The following FOXO1 variants were observed in gnomAD, a reference collection of about 807,000 sequenced individuals.
FOXO1 encodes the protein forkhead box O1.
A neutral mutation model predicts 44.1 loss-of-function variants in FOXO1; 6 were observed. That is an observed-to-expected ratio of 0.14 (90% CI 0.07 to 0.27). The LOEUF is 0.27. Among genes scored for constraint, FOXO1 ranks in the 10% least tolerant of loss-of-function variants. FOXO1 has a pLI of 1.00. For synonymous variants in FOXO1, 380 were observed against 362.7 expected, an observed-to-expected ratio of 1.05 and a Z score of -0.54; for missense variants, 737 against 888.8, an observed-to-expected ratio of 0.83 and a Z score of 2.17.
Position 40,666,488 on chromosome 13 carries a change from G to A in FOXO1, c.-276C>T. Reference sequence around the variant, plus strand: ...GCCGGGCCGGGGCAGAGCCTGCGCCGCGCTCCAGCTGACAGGGCCGCGGAC... The same window carrying A: ...GCCGGGCCGGGGCAGAGCCTGCGCCACGCTCCAGCTGACAGGGCCGCGGAC... On this transcript the variant is annotated 5_prime_UTR_variant, in exon 1 of 3. Transcript: ENST00000379561. 3 of 341,614 alleles carry A rather than the reference G, an allele frequency of 8.8e-6. No individual in the cohort carries two copies. Among genetic ancestry groups the A allele is most frequent in the Non-Finnish European group, 1.1e-5 (2 of 188,800 alleles). 21.2% of individuals were successfully genotyped at this position (341,614 alleles called of 1,614,324 possible). A position where few individuals can be genotyped will look rare whatever the true frequency, so the allele number is the denominator to read the frequency against.
At chr13:40,572,246 A>C (rs1200298376) in intron 1 of FOXO1, among the ~76,000 whole-genome samples, 1 of 152,200 alleles carries the variant, frequency 6.6e-6, no homozygotes, top group Non-Finnish European at 1.5e-5. Flanking sequence ...TATGTTTGCT[A>C]TCTGGAAAAT....
intron 1 of FOXO1, among the ~76,000 whole-genome samples, chr13:40,572,009 G>A (rs1246507119): frequency 6.6e-6 from 1 of 152,190 alleles, no homozygotes; most frequent in Non-Finnish European, 1.5e-5. Flanking sequence ...AAGGACTAAA[G>A]TGAATTTTAA....
At chr13:40,662,170 C>CAAAA (rs57350461) in intron 1 of FOXO1, among the ~76,000 whole-genome samples, 3 of 56,720 alleles carry the variant, frequency 5.3e-5, no homozygotes, top group Non-Finnish European at 7.2e-5. Context: ...GACTCTGACT[C>CAAAA]AAAAAAAAAA....
intron 1 of FOXO1, among the ~76,000 whole-genome samples, chr13:40,574,982 A>G (rs1874688575): frequency 6.6e-6 from 1 of 152,324 alleles, no homozygotes; most frequent in East Asian, 1.9e-4. Flanking sequence ...TGGTTATCCA[A>G]TATATTGAGG....
At chr13:40,594,334 G>A (rs1432336381) in intron 1 of FOXO1, among the ~76,000 whole-genome samples, 2 of 152,138 alleles carry the variant, frequency 1.3e-5, no homozygotes, top group African/African-American at 2.4e-5. Context: ...GCAGGAAGGA[G>A]TCGCAGGTGC....
intron 1 of FOXO1, among the ~76,000 whole-genome samples, chr13:40,567,857 A>C (rs1293522136): frequency 6.6e-6 from 1 of 152,054 alleles, no homozygotes; most frequent in Admixed American, 6.5e-5. Context: ...AGTCCCAGGT[A>C]CTCGGGAGAC....
At chr13:40,628,281 C>T (rs538218512) in intron 1 of FOXO1, among the ~76,000 whole-genome samples, 90 of 151,906 alleles carry the variant, frequency 5.9e-4, no homozygotes, top group African/African-American at 2.1e-3. Context: ...CAAGCATACC[C>T]ATGTCAAAAC....
At chr13:40,619,151 G>T (rs1031842501) in intron 1 of FOXO1, among the ~76,000 whole-genome samples, 2 of 152,112 alleles carry the variant, frequency 1.3e-5, no homozygotes, top group Non-Finnish European at 2.9e-5. Context: ...GCCGGGTGTG[G>T]TGGCACATGC....
intron 1 of FOXO1, among the ~76,000 whole-genome samples, chr13:40,611,625 C>T (rs1876235288): frequency 6.6e-6 from 1 of 152,168 alleles, no homozygotes; most frequent in Non-Finnish European, 1.5e-5. Context: ...TCTTGTGCCC[C>T]TAAACATGGA....
intron 1 of FOXO1, among the ~76,000 whole-genome samples, chr13:40,587,041 T>C (rs1875193057): frequency 6.6e-6 from 1 of 152,124 alleles, no homozygotes; most frequent in South Asian, 2.1e-4. Flanking sequence ...CAAGAGCAAA[T>C]GACAATATTT....
At chr13:40,579,858 G>A (rs952120388) in intron 1 of FOXO1, among the ~76,000 whole-genome samples, 3 of 152,130 alleles carry the variant, frequency 2.0e-5, no homozygotes, top group Admixed American at 2.0e-4. Flanking sequence ...TCTGGGATTG[G>A]AAAGTTTATT....
chr13:40,655,683 C>T (rs1877837476), intron 1 of FOXO1, among the ~76,000 whole-genome samples: 1 of 133,898 alleles, frequency 7.5e-6, no homozygotes, highest in African/African-American at 2.9e-5. Flanking sequence ...GTCGCCCAGG[C>T]TCAGGCCGGA....
At chr13:40,584,400 T>C (rs929024445) in intron 1 of FOXO1, among the ~76,000 whole-genome samples, 8 of 137,834 alleles carry the variant, frequency 5.8e-5, no homozygotes, top group African/African-American at 2.0e-4. Flanking sequence ...AAGGTAGGCA[T>C]ATGGCTTGAG....
chr13:40,663,631 G>C (rs898221393), intron 1 of FOXO1, among the ~76,000 whole-genome samples: 1 of 152,168 alleles, frequency 6.6e-6, no homozygotes, highest in Non-Finnish European at 1.5e-5. Flanking sequence ...AACAAGATTT[G>C]GCAGACAATT....
intron 1 of FOXO1, among the ~76,000 whole-genome samples, chr13:40,652,659 AGAG>A (rs1471821528): frequency 6.6e-6 from 1 of 152,226 alleles, no homozygotes; most frequent in East Asian, 1.9e-4. Context: ...CCTGAAGGTT[AGAG>A]AAGAGAAAAA....
intron 1 of FOXO1, among the ~76,000 whole-genome samples, chr13:40,644,329 C>T (rs570362389): frequency 1.3e-5 from 2 of 152,246 alleles, no homozygotes; most frequent in South Asian, 2.1e-4. Context: ...CTCACCTCAC[C>T]GCACCCCAAG....
chr13:40,583,003 A>G (rs1010659768), intron 1 of FOXO1, among the ~76,000 whole-genome samples: 3 of 152,238 alleles, frequency 2.0e-5, no homozygotes, highest in Non-Finnish European at 4.4e-5. Flanking sequence ...TTCTTAAATA[A>G]TAAGACTTGA....
intron 1 of FOXO1, among the ~76,000 whole-genome samples, chr13:40,628,621 T>C (rs565320340): frequency 2.0e-5 from 3 of 152,288 alleles, no homozygotes; most frequent in East Asian, 1.9e-4. Flanking sequence ...CAAATCTCAG[T>C]TGCACCAAGC....
intron 1 of FOXO1, among the ~76,000 whole-genome samples, chr13:40,661,699 T>C (rs752127880): frequency 1.2e-4 from 19 of 152,180 alleles, no homozygotes; most frequent in Non-Finnish European, 2.5e-4. Context: ...CTAAGTCAAA[T>C]GTGACCATGC....
Sources: gnomAD v4.1 joint callset for allele counts (sites outside exome capture counted in the v4.1 genomes callset) on GRCh38, gnomAD v4.1.1 for gene constraint, MANE v1.5 for transcripts, NCBI Gene and HGNC (gene_info 2026-07-23, HGNC 2026-07-21) for gene names.